Variants in ENTPD7 observed in about 807,000 individuals in gnomAD.
ENTPD7 encodes NTPDase 7.
A neutral mutation model predicts 77.9 loss-of-function variants in ENTPD7; 53 were observed. That is an observed-to-expected ratio of 0.68 (90% CI 0.55 to 0.85). ENTPD7 has a LOEUF of 0.85. Ranked by LOEUF, ENTPD7 falls within the 40% of genes least tolerant of loss-of-function variation. The probability of loss-of-function intolerance (pLI) is 0.00; values close to 1 mark genes in which losing one functional copy is unlikely to be tolerated. For missense variants in ENTPD7, 636 were observed against 743.7 expected (o/e 0.86, Z 1.68); for synonymous variants, 248 against 274.9 (o/e 0.90, Z 0.97).
At position 99,659,777 on chromosome 10, in the gene ENTPD7, GGGA is replaced by G. The variant is rs1328418225; in HGVS notation, c.-95-79_-95-77del. 1.3e-6 allele frequency: 1 copy of G among 759,664 alleles called. No individual in the cohort carries two copies. The highest frequency in any genetic ancestry group is 2.1e-6 in the Non-Finnish European group (1 of 476,370). The allele number at this position is 759,664 out of a possible 1,614,324, so 47.1% of individuals were successfully genotyped here. On this transcript the variant is annotated intron_variant, in intron 1 of 12. Coordinates refer to ENST00000370489, the MANE Select transcript of ENTPD7 (RefSeq NM_020354.5). This position sits in a 1 kb window ranked among gnomAD's most constrained non-coding sequence, Gnocchi z 4.1. ...CCAGAGCAGACGGAGCGGGAGCCTG[GGGA>G]GGAGGTGGGAGCCGTGGAATTCCCG...
At chr10:99,684,845 C>G (rs2035793027) in intron 5 of ENTPD7, among the ~76,000 whole-genome samples, 1 of 152,092 alleles carries the variant, frequency 6.6e-6, no homozygotes, top group African/African-American at 2.4e-5. Context: ...CAAGTGTTTT[C>G]CCCAAATTGG....
intron 3 of ENTPD7, among the ~76,000 whole-genome samples, chr10:99,678,916 C>T (rs960832838): frequency 6.7e-6 from 1 of 148,704 alleles, no homozygotes; most frequent in Non-Finnish European, 1.5e-5. Context: ...ACAAGCTACC[C>T]CAAAACTTAA....
intron 2 of ENTPD7, among the ~76,000 whole-genome samples, chr10:99,661,213 G>A (rs559974253): frequency 2.0e-5 from 3 of 152,144 alleles, no homozygotes; most frequent in Non-Finnish European, 4.4e-5. Flanking sequence ...ATGAGATTAA[G>A]TCTTTGAATT....
Position 99,691,374 on chromosome 10 carries a change from A to T in ENTPD7, c.710-11A>T, listed in dbSNP as rs1280688396. On this transcript the variant is annotated splice_polypyrimidine_tract_variant and intron_variant, in intron 7 of 12. Transcript: ENST00000370489. ...ATTACTAGGGCCTTTTTGTTCTCTT[A>T]TTTATTTCAGAATCAGATGCTGAGG... 4 of 1,609,170 alleles carry T rather than the reference A, an allele frequency of 2.5e-6. No homozygotes were observed. Among genetic ancestry groups the T allele is most frequent in the Admixed American group, 3.4e-5 (2 of 58,508 alleles).
intron 3 of ENTPD7, among the ~76,000 whole-genome samples, chr10:99,673,936 T>A (rs1056305390): frequency 6.6e-6 from 1 of 152,242 alleles, no homozygotes; most frequent in Non-Finnish European, 1.5e-5. Context: ...GTACATGTTC[T>A]TGAGAAACTT....
intron 8 of ENTPD7, among the ~76,000 whole-genome samples, chr10:99,695,658 A>G (rs2133491454): frequency 6.6e-6 from 1 of 152,366 alleles, no homozygotes; most frequent in East Asian, 1.9e-4. Context: ...TGGAAAATAC[A>G]GAAAAATACA....
intron 5 of ENTPD7, among the ~76,000 whole-genome samples, chr10:99,685,227 A>G (rs2035797388): frequency 6.6e-6 from 1 of 152,236 alleles, no homozygotes; most frequent in South Asian, 2.1e-4. Context: ...ATTGCACTCC[A>G]GCCTGGGCAA....
At chr10:99,676,932 A>T (rs1023843772) in intron 3 of ENTPD7, among the ~76,000 whole-genome samples, 4 of 152,280 alleles carry the variant, frequency 2.6e-5, no homozygotes, top group South Asian at 2.1e-4. Flanking sequence ...TCTCTTTTTT[A>T]AAAAAATGCA....
At chr10:99,688,422 G>A (rs1396289854) in intron 6 of ENTPD7, among the ~76,000 whole-genome samples, 1 of 151,482 alleles carries the variant, frequency 6.6e-6, no homozygotes, top group South Asian at 2.1e-4. Context: ...CTTTTTTTTC[G>A]ATATCTTCGT....
Position 99,710,342 on chromosome 10 carries a change from A to T in ENTPD7, c.*5659A>T. Reference sequence around the variant, plus strand: ...TATTTGAAATTCTCATTCCACAATTACCCTTTAGTTGAAGTCCTGAAGTAC... The same window carrying T: ...TATTTGAAATTCTCATTCCACAATTTCCCTTTAGTTGAAGTCCTGAAGTAC... On this transcript the variant is annotated 3_prime_UTR_variant, in exon 13 of 13. Transcript: ENST00000370489. 1.0e-6 allele frequency: 1 copy of T among 985,266 alleles called. No homozygotes were observed. Among genetic ancestry groups the T allele is most frequent in the Non-Finnish European group, 1.2e-6 (1 of 829,892 alleles). The allele number at this position is 985,266 out of a possible 1,614,324, so 61.0% of individuals were successfully genotyped here. A position where few individuals can be genotyped will look rare whatever the true frequency, so the allele number is the denominator to read the frequency against.
chr10:99,659,692 T>G lies in ENTPD7; in HGVS notation c.-96+104T>G, dbSNP rs1208929701. ...ACGACCGGTTCCTAGAGGACAGAGC[T>G]GGCCCACGAGAACGCCCCGCTCCCA... On this transcript the variant is annotated intron_variant, in intron 1 of 12. Coordinates refer to ENST00000370489, the MANE Select transcript of ENTPD7 (RefSeq NM_020354.5). This position sits in a 1 kb window ranked among gnomAD's most constrained non-coding sequence, Gnocchi z 4.1. 2 of 449,552 alleles carry G rather than the reference T, an allele frequency of 4.4e-6. No homozygotes were observed. Among genetic ancestry groups the G allele is most frequent in the Non-Finnish European group, 8.1e-6 (2 of 247,218 alleles). The allele number at this position is 449,552 out of a possible 1,614,324, so 27.8% of individuals were successfully genotyped here.
At chr10:99,681,675 T>A (rs1020617682) in intron 5 of ENTPD7, among the ~76,000 whole-genome samples, 2 of 152,184 alleles carry the variant, frequency 1.3e-5, no homozygotes, top group Non-Finnish European at 2.9e-5. Flanking sequence ...GTTTCCAATT[T>A]CTCCACAGCC....
intron 3 of ENTPD7, among the ~76,000 whole-genome samples, chr10:99,671,664 C>G (rs1464297170): frequency 6.6e-6 from 1 of 152,204 alleles, no homozygotes; most frequent in Non-Finnish European, 1.5e-5. Context: ...GTAAACTGTT[C>G]TTAAATGTTC....
chr10:99,691,336 A>G, intron 7 of ENTPD7, 49 bp from the exon 8 acceptor site: 1 of 1,583,018 alleles, frequency 6.3e-7, no homozygotes, highest in Non-Finnish European at 8.6e-7. Flanking sequence ...GTTTGACTTA[A>G]TTTTATTTTT....
chr10:99,682,933 G>A (rs2035770783), intron 5 of ENTPD7, among the ~76,000 whole-genome samples: 1 of 152,156 alleles, frequency 6.6e-6, no homozygotes, highest in African/African-American at 2.4e-5. Flanking sequence ...AGTGTGTTTG[G>A]AGGAAAGGAG....
intron 7 of ENTPD7, among the ~76,000 whole-genome samples, chr10:99,689,114 A>T (rs2035849804): frequency 6.6e-6 from 1 of 152,076 alleles, no homozygotes; most frequent in African/African-American, 2.4e-5. Flanking sequence ...CATGTATGTC[A>T]GTATGTATCT....
intron 8 of ENTPD7, among the ~76,000 whole-genome samples, chr10:99,692,763 T>A (rs989860309): frequency 6.6e-6 from 1 of 152,154 alleles, no homozygotes; most frequent in African/African-American, 2.4e-5. Context: ...TTTATTTCCA[T>A]AGATAGTGGA....
Position 99,704,726 on chromosome 10 carries a change from T to C in ENTPD7, c.*43T>C, listed in dbSNP as rs138662264. 10,838 of 1,547,494 alleles carry C rather than the reference T, an allele frequency of 7.0e-3. 50 individuals carry two copies. Among genetic ancestry groups the C allele is most frequent in the Middle Eastern group, 1.0e-2 (55 of 5,512 alleles). Reference sequence around the variant, plus strand: ...AGAAGCTTGAGCACCCCCGAGTTGCTGCTCATTGAATTCCTCCACTTTCTT... The same window carrying C: ...AGAAGCTTGAGCACCCCCGAGTTGCCGCTCATTGAATTCCTCCACTTTCTT... On this transcript the variant is annotated 3_prime_UTR_variant, in exon 13 of 13. Transcript: ENST00000370489.
At chr10:99,695,751 C>T (rs3758396) in intron 8 of ENTPD7, among the ~76,000 whole-genome samples, 135,836 of 152,254 alleles carry the variant, frequency 0.89, 60,710 homozygotes, top group African/African-American at 0.94. Flanking sequence ...ATATTTAGTT[C>T]TTAATTTAGT....
Sources: gnomAD v4.1 joint callset for allele counts (sites outside exome capture counted in the v4.1 genomes callset) on GRCh38, gnomAD v4.1.1 for gene constraint, Gnocchi (gnomAD v3.1) non-coding constraint, MANE v1.5 for transcripts, NCBI Gene and HGNC (gene_info 2026-07-23, HGNC 2026-07-21) for gene names.